The following PPP2R1A variants were observed in gnomAD, a reference collection of about 807,000 sequenced individuals.
PPP2R1A encodes serine/threonine-protein phosphatase 2A 65 kDa regulatory subunit A alpha isoform.
In PPP2R1A, 15 loss-of-function variants were observed where a neutral mutation model predicts 67.1. The ratio of observed to expected loss-of-function variants is 0.22; its 90% confidence interval spans 0.15 to 0.34. PPP2R1A has a LOEUF of 0.34. PPP2R1A is among the 10% of genes least tolerant of loss of function. The probability of loss-of-function intolerance (pLI) is 1.00; values close to 1 mark genes in which losing one functional copy is unlikely to be tolerated. For missense variants in PPP2R1A, 369 were observed against 775.0 expected (o/e 0.48, Z 6.22); for synonymous variants, 337 against 325.0 (o/e 1.04, Z -0.40).
At chr19:52,195,044 A>G (rs1404270241) in intron 1 of PPP2R1A, among the ~76,000 whole-genome samples, 2 of 152,198 alleles carry the variant, frequency 1.3e-5, no homozygotes, top group Non-Finnish European at 1.5e-5. Context: ...CTTGTAGGCC[A>G]GAGTAAGGCC....
In PPP2R1A at chr19:52,201,997, T is replaced by C; in HGVS notation, c.132T>C (p.Val44=). ...KLSTIALALG[V]ERTRSELLPF... ...CCACCATCGCCTTGGCCCTTGGGGT[T>C]GAAAGGACCCGAAGTGAGCTTCTGC... Residue 44 remains valine (V), a synonymous_variant, in exon 2 of 15, where the codon GTT becomes GTC. Transcript: ENST00000322088. The C allele has an allele frequency of 1.2e-6, 2 of 1,614,202 alleles. No individual in the cohort carries two copies. Among genetic ancestry groups the C allele is most frequent in the South Asian group, 2.2e-5 (2 of 91,088 alleles).
chr19:52,210,223 G>A (rs2089651325), intron 3 of PPP2R1A, among the ~76,000 whole-genome samples: 2 of 152,276 alleles, frequency 1.3e-5, no homozygotes, highest in Admixed American at 6.5e-5. Flanking sequence ...AAGAGTTCCT[G>A]TCTTGTGCTA....
intron 2 of PPP2R1A, among the ~76,000 whole-genome samples, chr19:52,204,085 G>A (rs2089578328): frequency 6.6e-6 from 1 of 152,164 alleles, no homozygotes; most frequent in Admixed American, 6.5e-5. Context: ...TGAGTGGAAC[G>A]GAGGCACCAG....
chr19:52,212,580 C>T lies in PPP2R1A; in HGVS notation c.504-106C>T. 7.2e-7 allele frequency: 1 copy of T among 1,389,094 alleles called. No homozygotes were observed. Among genetic ancestry groups the T allele is most frequent in the Non-Finnish European group, 9.8e-7 (1 of 1,025,306 alleles). 86.0% of individuals were successfully genotyped at this position (1,389,094 alleles called of 1,614,324 possible). Reference sequence around the variant, plus strand: ...AGACAGAGAGGGGGTCATCACTTGCCCAAGGTCATTCAGCTAAAACCTGGA... The same window carrying T: ...AGACAGAGAGGGGGTCATCACTTGCTCAAGGTCATTCAGCTAAAACCTGGA... On this transcript the variant is annotated intron_variant, in intron 4 of 14. Transcript: ENST00000322088. This position sits in a 1 kb window ranked among gnomAD's most constrained non-coding sequence, Gnocchi z 4.1.
intron 3 of PPP2R1A, among the ~76,000 whole-genome samples, chr19:52,206,608 C>T (rs1397507615): frequency 2.0e-5 from 3 of 152,232 alleles, no homozygotes; most frequent in African/African-American, 7.2e-5. Flanking sequence ...TTAAGCGTCT[C>T]TTCAGATTGT....
Position 52,229,061 on chromosome 19 carries a change from G to A in PPP2R1A, c.*3080G>A, listed in dbSNP as rs927904621. ...TCAGCCCCGAGGAGTGAACTGCAGG[G>A]CACCGACAAGATTCTGCCTGTGGCC... On this transcript the variant is annotated 3_prime_UTR_variant, in exon 15 of 15. Coordinates refer to ENST00000322088, the MANE Select transcript of PPP2R1A (RefSeq NM_014225.6). 6.6e-6 allele frequency: 1 copy of A among 152,184 alleles called. No individual in the cohort carries two copies. Among genetic ancestry groups the A allele is most frequent in the African/African-American group, 2.4e-5 (1 of 41,428 alleles). 9.4% of individuals were successfully genotyped at this position (152,184 alleles called of 1,614,324 possible).
chr19:52,215,933 A>G (rs763882556), intron 7 of PPP2R1A, 40 bp downstream of exon 7: 4 of 1,611,400 alleles, frequency 2.5e-6, no homozygotes, highest in Non-Finnish European at 3.4e-6. Flanking sequence ...TGGGGTGGGT[A>G]TCCAAGGGGC....
chr19:52,208,485 T>A (rs1307724539), intron 3 of PPP2R1A, among the ~76,000 whole-genome samples: 1 of 151,738 alleles, frequency 6.6e-6, no homozygotes, highest in Non-Finnish European at 1.5e-5. Flanking sequence ...GTTGTTTCTG[T>A]GTCAGCAGCT....
intron 1 of PPP2R1A, among the ~76,000 whole-genome samples, chr19:52,198,444 C>G (rs1384131975): frequency 1.3e-5 from 2 of 152,116 alleles, no homozygotes; most frequent in East Asian, 3.9e-4. Flanking sequence ...TTCCCACGAC[C>G]CCCTCTTTGG....
intron 2 of PPP2R1A, among the ~76,000 whole-genome samples, chr19:52,205,592 G>A (rs886743987): frequency 1.3e-5 from 2 of 152,190 alleles, no homozygotes; most frequent in African/African-American, 4.8e-5. Flanking sequence ...CCCCAAAAAA[G>A]CTCTCGTTGA....
intron 12 of PPP2R1A, 66 bp downstream of exon 12, chr19:52,221,199 C>A: frequency 6.3e-7 from 1 of 1,592,024 alleles, no homozygotes; most frequent in African/African-American, 1.3e-5. Context: ...AGGAGGGATG[C>A]TAGAGGGTTC....
At chr19:52,217,165 G>A (rs1978627492) in intron 9 of PPP2R1A, among the ~76,000 whole-genome samples, 1 of 152,112 alleles carries the variant, frequency 6.6e-6, no homozygotes. Context: ...ACTCCAGCCT[G>A]GACAACAGAG....
intron 11 of PPP2R1A, 135 bp from the exon 12 acceptor site, chr19:52,220,844 T>G (rs1003310808): frequency 9.5e-7 from 1 of 1,056,898 alleles, no homozygotes; most frequent in Non-Finnish European, 1.4e-6. Context: ...GTAAGTCCTT[T>G]TTTCTCTCTT....
chr19:52,215,757 CCCT>C lies in PPP2R1A; in HGVS notation c.808-15_808-13del. The C allele has an allele frequency of 6.2e-7, 1 of 1,603,068 alleles. No homozygotes were observed. Among genetic ancestry groups the C allele is most frequent in the African/African-American group, 1.3e-5 (1 of 74,800 alleles). On this transcript the variant is annotated intron_variant, in intron 6 of 14. Transcript: ENST00000322088. ...AAACTGCCAGCCCCTCTCACTCTCCCCCTCCTCCTTCCTGTCTGCAGCTCCAGA... is the reference window on the plus strand; with the variant it reads ...AAACTGCCAGCCCCTCTCACTCTCCCCCTCCTTCCTGTCTGCAGCTCCAGA...
chr19:52,214,180 G>A (rs1240329600), intron 6 of PPP2R1A, among the ~76,000 whole-genome samples: 1 of 152,102 alleles, frequency 6.6e-6, no homozygotes, highest in Non-Finnish European at 1.5e-5. Context: ...GGAGGTGAGA[G>A]CAAGTGCAAG....
In PPP2R1A at chr19:52,211,607, T is replaced by C. The variant is rs2089671508; in HGVS notation, c.503+115T>C. ...CCAAATGCCCCTGAACTCTCTCCAC[T>C]CCCACTCCTGCTTACCACCTGATAG... On this transcript the variant is annotated intron_variant, in intron 4 of 14. Coordinates refer to ENST00000322088, the MANE Select transcript of PPP2R1A (RefSeq NM_014225.6). This position sits in a 1 kb window ranked among gnomAD's most constrained non-coding sequence, Gnocchi z 5.3. The C allele has an allele frequency of 9.4e-7, 1 of 1,058,870 alleles. No individual in the cohort carries two copies. Among genetic ancestry groups the C allele is most frequent in the Admixed American group, 2.6e-5 (1 of 38,930 alleles). The allele number at this position is 1,058,870 out of a possible 1,614,324, so 65.6% of individuals were successfully genotyped here.
At chr19:52,209,637 C>T (rs1393091835) in intron 3 of PPP2R1A, among the ~76,000 whole-genome samples, 1 of 152,182 alleles carries the variant, frequency 6.6e-6, no homozygotes, top group African/African-American at 2.4e-5. Context: ...TTCACCTCCT[C>T]AAACTGAAAT....
At chr19:52,221,857 G>C (rs1363400394) in intron 12 of PPP2R1A, among the ~76,000 whole-genome samples, 1 of 152,146 alleles carries the variant, frequency 6.6e-6, no homozygotes, top group Non-Finnish European at 1.5e-5. Flanking sequence ...AGGGATCCTA[G>C]GGCTTGGTAA....
chr19:52,192,630 TA>T (rs1189398257), intron 1 of PPP2R1A, among the ~76,000 whole-genome samples: 2 of 152,136 alleles, frequency 1.3e-5, no homozygotes, highest in Non-Finnish European at 2.9e-5. Context: ...TTGTTTTTTT[TA>T]ACTCCAGGAT....
Sources: gnomAD v4.1 joint callset for allele counts (sites outside exome capture counted in the v4.1 genomes callset) on GRCh38, gnomAD v4.1.1 for gene constraint, Gnocchi (gnomAD v3.1) non-coding constraint, MANE v1.5 for transcripts, NCBI Gene and HGNC (gene_info 2026-07-23, HGNC 2026-07-21) for gene names.